The following TMEM8B variants were observed in gnomAD, a reference collection of about 807,000 sequenced individuals.
TMEM8B encodes the protein transmembrane protein 8B.
Under a neutral mutation model 49.3 loss-of-function variants are expected in TMEM8B, and 29 were observed. The ratio of observed to expected loss-of-function variants is 0.59; its 90% CI spans 0.44 to 0.80. The LOEUF (loss-of-function observed/expected upper bound fraction) is 0.80, where lower values mean the gene tolerates loss of function less well. TMEM8B is among the 30% of genes least tolerant of loss of function. The pLI is 0.00. For missense variants in TMEM8B, 575 were observed against 658.5 expected (o/e 0.87, Z 1.39); for synonymous variants, 264 against 272.8 (o/e 0.97, Z 0.32).
rs909946092 is a variant in TMEM8B at position 35,854,187 on chromosome 9, G to C, written c.*347G>C. On this transcript the variant is annotated 3_prime_UTR_variant, in exon 13 of 13. Coordinates refer to ENST00000643932, the MANE Select transcript of TMEM8B (RefSeq NM_001042590.4). ...TCCCAGGGAGACAAAGCCCTGTCAG[G>C]AGCACAGCATCTTTCCAGAGGAGGT... The C allele has an allele frequency of 4.1e-5, 13 of 317,308 alleles. No homozygotes were observed. Among genetic ancestry groups the C allele is most frequent in the African/African-American group, 2.6e-4 (12 of 46,096 alleles). The allele number at this position is 317,308 out of a possible 1,614,324, so 19.7% of individuals were successfully genotyped here. A position where few individuals can be genotyped will look rare whatever the true frequency, so the allele number is the denominator to read the frequency against.
intron 1 of TMEM8B, among the ~76,000 whole-genome samples, chr9:35,833,526 C>G (rs1329938863): frequency 6.6e-6 from 1 of 152,188 alleles, no homozygotes; most frequent in Non-Finnish European, 1.5e-5. Context: ...TTCTGCTCAC[C>G]TTGGCTCTGC....
At chr9:35,830,753 AG>A (rs1361584139) in intron 1 of TMEM8B, among the ~76,000 whole-genome samples, 4 of 152,254 alleles carry the variant, frequency 2.6e-5, no homozygotes, top group Non-Finnish European at 4.4e-5. Context: ...TCTGCCCACA[AG>A]GGTGCTTTAT....
At position 35,856,141 on chromosome 9, in the gene TMEM8B, A is replaced by C. The variant is rs552840083; in HGVS notation, c.*2301A>C. 6.6e-6 allele frequency: 1 copy of C among 152,182 alleles called. No individual in the cohort carries two copies. The highest frequency in any genetic ancestry group is 6.5e-5 in the Admixed American group (1 of 15,288). The allele number at this position is 152,182 out of a possible 1,614,324, so 9.4% of individuals were successfully genotyped here. Reference sequence around the variant, plus strand: ...TGCCATGATGCTAAGATAATGGGAGAGTGTTCTTTGTGGTCACCAGTGTCC... The same window carrying C: ...TGCCATGATGCTAAGATAATGGGAGCGTGTTCTTTGTGGTCACCAGTGTCC... On this transcript the variant is annotated 3_prime_UTR_variant, in exon 13 of 13. Transcript: ENST00000643932.
At chr9:35,844,115 T>C (rs1207490144) in intron 6 of TMEM8B, among the ~76,000 whole-genome samples, 1 of 152,224 alleles carries the variant, frequency 6.6e-6, no homozygotes, top group Non-Finnish European at 1.5e-5. Flanking sequence ...ATTAATTACT[T>C]TGTTTATCTA....
intron 10 of TMEM8B, among the ~76,000 whole-genome samples, chr9:35,847,909 A>G (rs1002238703): frequency 1.3e-5 from 2 of 152,186 alleles, no homozygotes; most frequent in African/African-American, 4.8e-5. Flanking sequence ...CTGAAGTGTC[A>G]CATCTGGGAA....
rs915271645 is a variant in TMEM8B at position 35,841,989 on chromosome 9, A to G, written c.1309+195A>G. On this transcript the variant is annotated intron_variant, in intron 5 of 12. Coordinates refer to ENST00000643932, the MANE Select transcript of TMEM8B (RefSeq NM_001042590.4). The surrounding 1 kb of genome is among the most constrained non-coding windows in gnomAD (Gnocchi z 5.9). ...GGCCTTTAGATAATTTTTTTTTTGCATCTGACTTGAGACAACTAAAGGACC... is the reference window on the plus strand; with the variant it reads ...GGCCTTTAGATAATTTTTTTTTTGCGTCTGACTTGAGACAACTAAAGGACC... 2.0e-5 allele frequency among the ~76,000 whole-genome samples: 3 copies of G among 151,724 alleles called. No individual in the cohort carries two copies. Among genetic ancestry groups the G allele is most frequent in the African/African-American group, 7.3e-5 (3 of 41,268 alleles).
intron 10 of TMEM8B, among the ~76,000 whole-genome samples, chr9:35,847,728 G>C (rs920423371): frequency 6.6e-6 from 1 of 152,136 alleles, no homozygotes; most frequent in Non-Finnish European, 1.5e-5. Context: ...GATTAATATA[G>C]TTTAAAACCC....
intron 3 of TMEM8B, among the ~76,000 whole-genome samples, chr9:35,840,718 T>C (rs927718693): frequency 1.3e-5 from 2 of 152,026 alleles, no homozygotes; most frequent in Admixed American, 6.5e-5. Context: ...AGCTTTCCAC[T>C]CCACCCCACT....
At position 35,842,753 on chromosome 9, in the gene TMEM8B, A is replaced by G. The variant is rs1256574439; in HGVS notation, c.1635+36A>G. 1.3e-6 allele frequency: 2 copies of G among 1,568,594 alleles called. No individual in the cohort carries two copies. Among genetic ancestry groups the G allele is most frequent in the Non-Finnish European group, 1.7e-6 (2 of 1,154,596 alleles). On this transcript the variant is annotated intron_variant, in intron 6 of 12. Transcript: ENST00000643932. This position sits in a 1 kb window ranked among gnomAD's most constrained non-coding sequence, Gnocchi z 5.6. The stretch of plus-strand genomic sequence containing the variant: ...TGGAGAGTGGGGAGGTTGCTCTGCC[A>G]GGGAGCTTGAAGGGGAAGGTGTCAG...
In TMEM8B at chr9:35,852,745, C is replaced by T. The variant is rs184087228; in HGVS notation, c.2176-82C>T. 11 of 1,547,878 alleles carry T rather than the reference C, an allele frequency of 7.1e-6. No homozygotes were observed. The Admixed American group carries it at 1.5e-4, about 21-fold the overall frequency. ...CTCTGCTGCACTGACAGCAGCACAC[C>T]ACCCCTGGGCCCACCCCTCCGGTTT... On this transcript the variant is annotated intron_variant, in intron 10 of 12. Transcript: ENST00000643932.
In TMEM8B at chr9:35,829,567, C is replaced by T. The variant is rs1320934557; in HGVS notation, c.120C>T (p.Thr40=). 2 of 399,318 alleles carry T rather than the reference C, an allele frequency of 5.0e-6. No homozygotes were observed. Among genetic ancestry groups the T allele is most frequent in the Non-Finnish European group, 8.8e-6 (2 of 226,432 alleles). The allele number at this position is 399,318 out of a possible 1,614,324, so 24.7% of individuals were successfully genotyped here. ...PQPLPGSPSR[T]PFQSLPLAWP... ...CCCTGCCTGGGTCCCCATCCAGGAC[C>T]CCCTTCCAGTCTCTGCCCCTGGCCT... The change falls in exon 1 of 13, where the codon ACC becomes ACT. Residue 40 remains threonine, a synonymous_variant. Coordinates refer to ENST00000643932, the MANE Select transcript of TMEM8B (RefSeq NM_001042590.4).
intron 9 of TMEM8B, 74 bp downstream of exon 9, chr9:35,846,685 G>A: frequency 6.5e-7 from 1 of 1,550,066 alleles, no homozygotes; most frequent in Non-Finnish European, 8.7e-7. Flanking sequence ...CAGGCGGCGG[G>A]AGTAGGGGAG....
intron 10 of TMEM8B, among the ~76,000 whole-genome samples, chr9:35,849,597 G>T (rs1831955097): frequency 6.6e-6 from 1 of 152,324 alleles, no homozygotes; most frequent in Admixed American, 6.5e-5. Flanking sequence ...GAATCTGGGT[G>T]AGCCTGACTC....
At chr9:35,852,794 A>G (rs759777911) in intron 10 of TMEM8B, 33 bp from the exon 11 acceptor site, 1 of 1,613,336 alleles carries the variant, frequency 6.2e-7, no homozygotes, top group Non-Finnish European at 8.5e-7. Context: ...CTCTGCCTCA[A>G]GTTCTCTCAA....
chr9:35,853,995 C>T lies in TMEM8B; in HGVS notation c.*155C>T. 1 of 1,350,834 alleles carries T rather than the reference C, an allele frequency of 7.4e-7. No individual in the cohort carries two copies. The highest frequency in any genetic ancestry group is 2.2e-5 in the South Asian group (1 of 45,814). 83.7% of individuals were successfully genotyped at this position (1,350,834 alleles called of 1,614,324 possible). A position where few individuals can be genotyped will look rare whatever the true frequency, so the allele number is the denominator to read the frequency against. ...ACTCTTCCAGGGACCTGGAGCCCTT[C>T]CCAGGACATGGAGAACTTCCTGAGG... is the stretch of plus-strand genomic sequence containing the variant. On this transcript the variant is annotated 3_prime_UTR_variant, in exon 13 of 13. Coordinates refer to ENST00000643932, the MANE Select transcript of TMEM8B (RefSeq NM_001042590.4). The surrounding 1 kb of genome is among the most constrained non-coding windows in gnomAD (Gnocchi z 4.2).
rs1831585630 is a variant in TMEM8B at position 35,846,498 on chromosome 9, A to C, written c.1883A>C (p.Glu628Ala). ...GTGCGGTGCCGCAACGCGACGGCCG[A>C]GGTGCGGATGCGCACCTTCCTGTCC... ...RFVRCRNATA[E>A]VRMRTFLSPC... is the part of the protein sequence containing the mutation. Residue 628 changes from glutamate to alanine, a missense_variant, in exon 9 of 13, where the codon GAG (glutamate) becomes GCG (alanine). Transcript: ENST00000643932. The C allele has an allele frequency of 1.3e-6, 2 of 1,598,058 alleles. No individual in the cohort carries two copies. The highest frequency in any genetic ancestry group is 3.5e-5 in the Admixed American group (2 of 57,562).
chr9:35,834,109 A>G (rs1396682870), intron 1 of TMEM8B, among the ~76,000 whole-genome samples: 1 of 151,538 alleles, frequency 6.6e-6, no homozygotes, highest in African/African-American at 2.4e-5. Context: ...TGGTAAGTGG[A>G]GAAAATGGCT....
intron 6 of TMEM8B, among the ~76,000 whole-genome samples, chr9:35,844,758 C>T (rs1831354372): frequency 6.6e-6 from 1 of 152,194 alleles, no homozygotes; most frequent in African/African-American, 2.4e-5. Context: ...AGAAGCCTAG[C>T]CCTCCTGCAG....
chr9:35,838,698 A>C (rs760916775), intron 3 of TMEM8B, among the ~76,000 whole-genome samples: 1 of 152,124 alleles, frequency 6.6e-6, no homozygotes, highest in Non-Finnish European at 1.5e-5. Flanking sequence ...AAAACTCTTT[A>C]ATTTCCATTT....
Sources: allele counts gnomAD v4.1 joint callset (sites outside exome capture counted in the v4.1 genomes callset), GRCh38; gene constraint gnomAD v4.1.1; non-coding constraint Gnocchi (gnomAD v3.1); transcripts MANE v1.5; gene names NCBI Gene and HGNC (gene_info 2026-07-23, HGNC 2026-07-21).